The following ANKS1B variants were observed in gnomAD, a reference collection of about 807,000 sequenced individuals.
ANKS1B encodes the protein ankyrin repeat and sterile alpha motif domain containing 1B, also known as ankyrin repeat and sterile alpha motif domain-containing protein 1B.
Under a neutral mutation model 148.3 loss-of-function variants are expected in ANKS1B, and 36 were observed. The ratio of observed to expected loss-of-function variants is 0.24; its 90% CI spans 0.19 to 0.32. The LOEUF is 0.32. ANKS1B is among the 10% of genes least tolerant of loss of function. The probability of loss-of-function intolerance (pLI) is 1.00; values close to 1 mark genes in which losing one functional copy is unlikely to be tolerated. For synonymous variants in ANKS1B, 542 were observed against 560.8 expected (o/e 0.97, Z 0.47); for missense variants, 1,157 against 1,542.6 (o/e 0.75, Z 4.19).
At chr12:98,894,789 G>T (rs375320676) in intron 17 of ANKS1B, 1 of 984,994 alleles carries the variant, frequency 1.0e-6, no homozygotes, top group East Asian at 1.1e-4. Context: ...AGGCGAGGGC[G>T]AGCGCGCCGA....
chr12:99,501,065 T>A (rs899031850), intron 10 of ANKS1B, among the ~76,000 whole-genome samples: 1 of 151,178 alleles, frequency 6.6e-6, no homozygotes, highest in African/African-American at 2.5e-5. Flanking sequence ...GTGTAAGTAA[T>A]TGGAATTTTT....
At chr12:99,450,955 C>T (rs900483179) in intron 10 of ANKS1B, among the ~76,000 whole-genome samples, 16 of 152,048 alleles carry the variant, frequency 1.1e-4, no homozygotes, top group Non-Finnish European at 2.2e-4. Context: ...CCAAAATATC[C>T]TTGATAATAT....
chr12:99,268,170 C>T (rs1197490359), intron 12 of ANKS1B, among the ~76,000 whole-genome samples: 1 of 152,156 alleles, frequency 6.6e-6, no homozygotes, highest in Non-Finnish European at 1.5e-5. Flanking sequence ...TGAAAGCCAT[C>T]TATATCATTC....
intron 19 of ANKS1B, among the ~76,000 whole-genome samples, chr12:98,822,459 C>G (rs2099205015): frequency 6.6e-6 from 1 of 152,140 alleles, no homozygotes. Flanking sequence ...GAAAAATAAC[C>G]TGCTGGGCCT....
Position 99,110,359 on chromosome 12 carries a change from T to G in ANKS1B, c.2527-25336A>C, listed in dbSNP as rs61350958. Among the ~76,000 whole-genome samples, 612 of 152,246 alleles carry G rather than the reference T, an allele frequency of 4.0e-3. 25 individuals carry two copies. The East Asian group carries it at 0.084, about 21-fold the overall frequency. On this transcript the variant is annotated intron_variant, in intron 15 of 26. Coordinates refer to ENST00000683438, the MANE Select transcript of ANKS1B (RefSeq NM_001352186.2). Reference sequence around the variant, plus strand: ...ATAAAATCAGATAAGCCTACTGCAGTTGGGAATAAATTCTATCATAGAAAT... The same window carrying G: ...ATAAAATCAGATAAGCCTACTGCAGGTGGGAATAAATTCTATCATAGAAAT...
At chr12:99,774,922 A>C (rs556362848) in intron 7 of ANKS1B, among the ~76,000 whole-genome samples, 1 of 152,094 alleles carries the variant, frequency 6.6e-6, no homozygotes, top group Non-Finnish European at 1.5e-5. Flanking sequence ...ATACTGCATG[A>C]TCTCACATGT....
intron 19 of ANKS1B, among the ~76,000 whole-genome samples, chr12:98,828,820 C>T (rs2099271584): frequency 6.6e-6 from 1 of 152,204 alleles, no homozygotes; most frequent in African/African-American, 2.4e-5. Context: ...CAAACTTCTG[C>T]CCCATTATCC....
intron 10 of ANKS1B, among the ~76,000 whole-genome samples, chr12:99,465,162 T>G (rs1386411718): frequency 6.6e-6 from 1 of 152,182 alleles, no homozygotes; most frequent in Non-Finnish European, 1.5e-5. Context: ...AAAAGAATTT[T>G]CAACCCAGAA....
chr12:99,120,723 A>G (rs1245873942), intron 15 of ANKS1B, among the ~76,000 whole-genome samples: 1 of 152,196 alleles, frequency 6.6e-6, no homozygotes, highest in African/African-American at 2.4e-5. Flanking sequence ...TAGTGATGCC[A>G]TTTACTGACA....
At chr12:99,263,416 A>G (rs1264427274) in intron 12 of ANKS1B, among the ~76,000 whole-genome samples, 2 of 151,814 alleles carry the variant, frequency 1.3e-5, no homozygotes, top group Admixed American at 6.6e-5. Context: ...ATTGAGAACA[A>G]TTAGTTGAAA....
intron 17 of ANKS1B, among the ~76,000 whole-genome samples, chr12:98,833,622 G>T (rs1236414348): frequency 4.6e-5 from 7 of 152,030 alleles, no homozygotes; most frequent in Admixed American, 4.6e-4. Context: ...GATGTAGGTG[G>T]TATATGTGCA....
intron 9 of ANKS1B, among the ~76,000 whole-genome samples, chr12:99,598,058 G>T (rs2097771884): frequency 6.6e-6 from 1 of 152,058 alleles, no homozygotes; most frequent in Non-Finnish European, 1.5e-5. Context: ...GCCCTACCAA[G>T]AAGTAGAGAA....
At chr12:99,057,401 G>A (rs1445800572) in intron 16 of ANKS1B, among the ~76,000 whole-genome samples, 1 of 151,972 alleles carries the variant, frequency 6.6e-6, no homozygotes. Context: ...TTCTGCCATT[G>A]GCTGCTAGTC....
chr12:98,926,052 T>C (rs1401918273), intron 17 of ANKS1B, among the ~76,000 whole-genome samples: 1 of 152,154 alleles, frequency 6.6e-6, no homozygotes. Context: ...CATGCACATA[T>C]ACAGGGCTGT....
At chr12:99,303,183 G>T (rs554376899) in intron 12 of ANKS1B, among the ~76,000 whole-genome samples, 1 of 152,228 alleles carries the variant, frequency 6.6e-6, no homozygotes, top group East Asian at 1.9e-4. Flanking sequence ...AATTACATTT[G>T]TTACATGGGG....
intron 8 of ANKS1B, among the ~76,000 whole-genome samples, chr12:99,669,604 C>G (rs1200532769): frequency 6.6e-6 from 1 of 152,004 alleles, no homozygotes; most frequent in Non-Finnish European, 1.5e-5. Flanking sequence ...TGTGTGAGCT[C>G]CAGGGATTTT....
At chr12:99,114,928 A>G (rs1308979112) in intron 15 of ANKS1B, among the ~76,000 whole-genome samples, 1 of 152,074 alleles carries the variant, frequency 6.6e-6, no homozygotes, top group Non-Finnish European at 1.5e-5. Context: ...ACAATAAGAT[A>G]CCATCTCACA....
At chr12:99,327,675 A>G (rs1265709483) in intron 12 of ANKS1B, among the ~76,000 whole-genome samples, 1 of 149,552 alleles carries the variant, frequency 6.7e-6, no homozygotes, top group African/African-American at 2.4e-5. Flanking sequence ...TGTTATTTTC[A>G]AGCAAAATAA....
chr12:99,692,748 G>A (rs1464246227), intron 8 of ANKS1B, among the ~76,000 whole-genome samples: 2 of 152,066 alleles, frequency 1.3e-5, no homozygotes, highest in Admixed American at 1.3e-4. Context: ...CTAAGCTGAT[G>A]GTGGGTTGTC....
Sources: allele counts gnomAD v4.1 joint callset (sites outside exome capture counted in the v4.1 genomes callset), GRCh38; gene constraint gnomAD v4.1.1; transcripts MANE v1.5; gene names NCBI Gene and HGNC (gene_info 2026-07-23, HGNC 2026-07-21).